EML1: variants seen among roughly 807,000 people sequenced by gnomAD.
EML1 encodes the protein echinoderm microtubule-associated protein-like 1.
Under a neutral mutation model 110.4 loss-of-function variants are expected in EML1, and 27 were observed. The observed-to-expected ratio is 0.24, with a 90% CI of 0.18 to 0.34. The LOEUF (loss-of-function observed/expected upper bound fraction) is 0.34, where lower values mean the gene tolerates loss of function less well. Among genes scored for constraint, EML1 ranks in the 10% least tolerant of loss-of-function variants. The pLI is 1.00. For synonymous variants in EML1, 344 were observed against 385.8 expected (o/e 0.89, Z 1.27); for missense variants, 741 against 1,030.9 (o/e 0.72, Z 3.85).
chr14:99,780,277 G>A (rs568425879), intron 1 of EML1, among the ~76,000 whole-genome samples: 22 of 152,228 alleles, frequency 1.4e-4, no homozygotes, highest in African/African-American at 4.1e-4. Context: ...GCACAGTTCA[G>A]TCCACAGCAG....
At position 99,850,997 on chromosome 14, in the gene EML1, A is replaced by G; in HGVS notation, c.212A>G (p.Glu71Gly). The change falls in exon 2 of 22, where the codon GAA becomes GGA. Residue 71 changes from glutamate to glycine, a missense_variant. Coordinates refer to ENST00000262233, the MANE Select transcript of EML1 (RefSeq NM_004434.3). ...DVVRRLNITE[E>G]QQAVLNRKGP... ...GTTCGGCGGCTGAACATTACTGAGG[A>G]ACAGCAGGCCGTGCTTAACAGGAAA... 1 of 1,614,088 alleles carries G rather than the reference A, an allele frequency of 6.2e-7. No individual in the cohort carries two copies. Among genetic ancestry groups the G allele is most frequent in the South Asian group, 1.1e-5 (1 of 91,066 alleles).
Position 99,909,457 on chromosome 14 carries a change from A to G in EML1, c.1217A>G (p.Asn406Ser), listed in dbSNP as rs200224154. ...TGGACACTAGAAGGAAGCTCCCTTAATAAGAAGCAAGGATTATTCGAGGTA... is the reference window on the plus strand; with the variant it reads ...TGGACACTAGAAGGAAGCTCCCTTAGTAAGAAGCAAGGATTATTCGAGGTA... ...YFWTLEGSSL[N>S]KKQGLFEKQE... is the part of the protein sequence containing the mutation. Residue 406 changes from asparagine to serine, a missense_variant, in exon 11 of 22, where the codon AAT becomes AGT. By Grantham distance (46) the Asn-to-Ser change is conservative (BLOSUM62 1). Transcript: ENST00000262233. The G allele has an allele frequency of 3.6e-5, 58 of 1,614,196 alleles. No homozygotes were observed. The Admixed American group carries it at 7.7e-4, about 21-fold the overall frequency.
At chr14:99,871,969 C>T (rs1038328978) in intron 3 of EML1, among the ~76,000 whole-genome samples, 14 of 152,166 alleles carry the variant, frequency 9.2e-5, no homozygotes, top group African/African-American at 2.7e-4. Context: ...GGCTGCTTCC[C>T]GCACAGATTT....
chr14:99,866,293 G>A (rs550725370), intron 3 of EML1, among the ~76,000 whole-genome samples: 19 of 151,926 alleles, frequency 1.3e-4, no homozygotes, highest in African/African-American at 1.7e-4. Flanking sequence ...AGTGCTGGCC[G>A]GGCTTGGTGG....
intron 1 of EML1, among the ~76,000 whole-genome samples, chr14:99,805,466 TTTC>T (rs1311475859): frequency 4.6e-5 from 7 of 152,112 alleles, no homozygotes; most frequent in South Asian, 2.1e-4. Flanking sequence ...TTCTCTTTCT[TTTC>T]TTCTTCTTCT....
intron 3 of EML1, among the ~76,000 whole-genome samples, chr14:99,869,677 A>G (rs2059161429): frequency 1.3e-5 from 2 of 152,178 alleles, no homozygotes; most frequent in Non-Finnish European, 2.9e-5. Context: ...TTGAAGTGTG[A>G]TCCCCACTGT....
intron 1 of EML1, among the ~76,000 whole-genome samples, chr14:99,835,102 G>A (rs773429477): frequency 6.6e-5 from 10 of 152,262 alleles, no homozygotes; most frequent in East Asian, 1.9e-4. Context: ...GATTACAGGC[G>A]TGAGCCACCG....
intron 1 of EML1, among the ~76,000 whole-genome samples, chr14:99,756,539 T>C (rs1005530726): frequency 2.6e-5 from 4 of 152,094 alleles, no homozygotes; most frequent in Admixed American, 2.0e-4. Flanking sequence ...ACAGAGTGAG[T>C]AGGTAGATGG....
chr14:99,743,733 AC>A (rs2057071882), intron 1 of EML1, among the ~76,000 whole-genome samples: 1 of 152,168 alleles, frequency 6.6e-6, no homozygotes, highest in African/African-American at 2.4e-5. Flanking sequence ...TGTCGGAAGT[AC>A]CCTCGCAGGC....
chr14:99,835,922 G>C (rs898255536), intron 1 of EML1, among the ~76,000 whole-genome samples: 3 of 152,134 alleles, frequency 2.0e-5, no homozygotes, highest in Admixed American at 6.5e-5. Context: ...ATTACATGAC[G>C]TCTTAATTAC....
intron 5 of EML1, chr14:99,892,237 C>T: frequency 2.0e-6 from 2 of 982,060 alleles, no homozygotes; most frequent in Non-Finnish European, 2.4e-6. Flanking sequence ...CTGAGCAAAG[C>T]TGTTACCCAG....
intron 1 of EML1, among the ~76,000 whole-genome samples, chr14:99,819,722 G>A (rs1306844744): frequency 6.6e-6 from 1 of 152,160 alleles, no homozygotes; most frequent in Admixed American, 6.6e-5. Flanking sequence ...GAGGGGTGAA[G>A]CAGACATGGG....
At chr14:99,750,815 G>A (rs1015090304) in intron 1 of EML1, among the ~76,000 whole-genome samples, 1 of 151,962 alleles carries the variant, frequency 6.6e-6, no homozygotes, top group African/African-American at 2.4e-5. Flanking sequence ...TAACCCGATC[G>A]CCCCTCAGTT....
At chr14:99,920,194 C>T (rs570852259) in intron 16 of EML1, among the ~76,000 whole-genome samples, 1 of 152,304 alleles carries the variant, frequency 6.6e-6, no homozygotes, top group African/African-American at 2.4e-5. Context: ...CCCCATCTCA[C>T]CACTGAGGAA....
At chr14:99,843,012 G>A (rs1395298929) in intron 1 of EML1, among the ~76,000 whole-genome samples, 1 of 152,060 alleles carries the variant, frequency 6.6e-6, no homozygotes, top group East Asian at 1.9e-4. Context: ...CCAGCACTTT[G>A]AGACGCTGAG....
intron 17 of EML1, among the ~76,000 whole-genome samples, chr14:99,921,645 C>G (rs1029525015): frequency 1.3e-5 from 2 of 152,168 alleles, no homozygotes; most frequent in Non-Finnish European, 2.9e-5. Flanking sequence ...CACCCACCAC[C>G]CGCCTCCCAT....
intron 1 of EML1, among the ~76,000 whole-genome samples, chr14:99,767,761 A>G (rs780021307): frequency 9.9e-5 from 15 of 152,204 alleles, no homozygotes; most frequent in Non-Finnish European, 2.1e-4. Flanking sequence ...GTGCTGTTGC[A>G]GGTGGCTTTG....
At chr14:99,786,906 C>T (rs2057606847) in intron 1 of EML1, among the ~76,000 whole-genome samples, 1 of 152,150 alleles carries the variant, frequency 6.6e-6, no homozygotes, top group Admixed American at 6.6e-5. Flanking sequence ...CCAGAGGAGA[C>T]AGAAGCCAGA....
upstream of EML1, among the ~76,000 whole-genome samples, chr14:99,788,740 C>T (rs114106175): frequency 0.011 from 1,728 of 152,250 alleles, 26 homozygotes; most frequent in African/African-American, 0.039. Context: ...TGTTCTGCTA[C>T]CCACACCACC....
Sources: allele counts gnomAD v4.1 joint callset (sites outside exome capture counted in the v4.1 genomes callset), GRCh38; gene constraint gnomAD v4.1.1; transcripts MANE v1.5; gene names NCBI Gene and HGNC (gene_info 2026-07-23, HGNC 2026-07-21).